GRIP2: variants seen among roughly 807,000 people sequenced by gnomAD.
The protein encoded by GRIP2 is glutamate receptor-interacting protein 2.
GRIP2 carries 58 observed loss-of-function variants against 108.3 expected under a neutral mutation model. That is an observed-to-expected ratio of 0.54 (90% CI 0.43 to 0.67). GRIP2 has a LOEUF of 0.67. Ranked by LOEUF, GRIP2 falls within the 30% of genes least tolerant of loss-of-function variation. The probability of loss-of-function intolerance (pLI) is 0.00; values close to 1 mark genes in which losing one functional copy is unlikely to be tolerated. For synonymous variants in GRIP2, 586 were observed against 598.2 expected, an observed-to-expected ratio of 0.98 and a Z score of 0.30; for missense variants, 1,278 against 1,430.6, an observed-to-expected ratio of 0.89 and a Z score of 1.72.
chr3:14,525,986 G>C, intron 1 of GRIP2, 55 bp from the exon 2 acceptor site: 1 of 1,462,596 alleles, frequency 6.8e-7, no homozygotes, highest in African/African-American at 1.4e-5. Flanking sequence ...CATTCCTGCA[G>C]ACCTCTTCTG....
At position 14,512,215 on chromosome 3, in the gene GRIP2, G is replaced by A. The variant is rs1040477896; in HGVS notation, c.1720+562C>T. 1.3e-5 allele frequency among the ~76,000 whole-genome samples: 2 copies of A among 152,140 alleles called. No homozygotes were observed. The highest frequency in any genetic ancestry group is 1.9e-4 in the East Asian group (1 of 5,180). ...GACTGCGGCTGGAGGGCTTGAGTTG[G>A]GGAGAGTCGGGAGATGAGGTCAGAG... is the stretch of plus-strand genomic sequence containing the variant. On this transcript the variant is annotated intron_variant, in intron 14 of 23. Coordinates refer to ENST00000621039, the MANE Select transcript of GRIP2 (RefSeq NM_001080423.4). The surrounding 1 kb of genome is among the most constrained non-coding windows in gnomAD (Gnocchi z 5.1).
chr3:14,527,947 CTT>C (rs1694608849), intron 1 of GRIP2, among the ~76,000 whole-genome samples: 1 of 152,234 alleles, frequency 6.6e-6, no homozygotes, highest in African/African-American at 2.4e-5. Context: ...AAAATTTACT[CTT>C]TGTGGTGAGC....
intron 9 of GRIP2, 94 bp downstream of exon 9, chr3:14,520,016 T>C: frequency 8.1e-7 from 1 of 1,232,970 alleles, no homozygotes; most frequent in Non-Finnish European, 1.1e-6. Context: ...CATTTTAGCC[T>C]GCTCCTCCCA....
chr3:14,542,268 C>T (rs1391651913), upstream of GRIP2, among the ~76,000 whole-genome samples: 5 of 152,170 alleles, frequency 3.3e-5, no homozygotes, highest in Admixed American at 3.3e-4. Context: ...ATCCTCCCAC[C>T]TCAGCCTCCC....
chr3:14,525,960 G>C, intron 1 of GRIP2, 29 bp from the exon 2 acceptor site: 1 of 1,541,520 alleles, frequency 6.5e-7, no homozygotes, highest in Non-Finnish European at 8.8e-7. Flanking sequence ...GAAAGGCCGA[G>C]TTCCACTTTC....
At chr3:14,538,656 G>A (rs555002497) in intron 1 of GRIP2, among the ~76,000 whole-genome samples, 1 of 152,222 alleles carries the variant, frequency 6.6e-6, no homozygotes, top group South Asian at 2.1e-4. Context: ...CTGGGGAGGA[G>A]ACCTAGGGTG....
At chr3:14,504,055 G>A (rs1029508020) in intron 20 of GRIP2, 15 of 258,536 alleles carry the variant, frequency 5.8e-5, no homozygotes, top group Admixed American at 4.1e-4. Flanking sequence ...ACACGGCACC[G>A]TGGGACAGTG....
At chr3:14,594,349 C>T in the GRIP2 span, among the ~76,000 whole-genome samples, 3 of 152,230 alleles carry the variant, frequency 2.0e-5, no homozygotes, top group Non-Finnish European at 4.4e-5. Context: ...GGATCAGATG[C>T]CCCAGGAGGA....
the GRIP2 span, among the ~76,000 whole-genome samples, chr3:14,596,241 G>A: frequency 7.7e-4 from 118 of 152,348 alleles, no homozygotes; most frequent in South Asian, 2.7e-3. Context: ...GGTAAGAAAG[G>A]TTACTGCAGC....
rs750604260 is a variant in GRIP2, at chr3:14,505,673, G to C, written c.2515C>G (p.Pro839Ala). 4.4e-6 allele frequency: 7 copies of C among 1,608,016 alleles called. No individual in the cohort carries two copies. The highest frequency in any genetic ancestry group is 1.1e-5 in the South Asian group (1 of 89,766). The change falls in exon 20 of 24, where the codon CCA becomes GCA. Residue 839 changes from proline (P) to alanine (A), a missense_variant. Physicochemically the swap from Pro to Ala is conservative, Grantham distance 27 (BLOSUM62 -1). Coordinates refer to ENST00000621039, the MANE Select transcript of GRIP2 (RefSeq NM_001080423.4). This position sits in a 1 kb window ranked among gnomAD's most constrained non-coding sequence, Gnocchi z 4.2. ...TCCTCTGGAAAGCTCTCGTCAGCTG[G>C]GGTTGGGGTATAGCTCGTCCTCCGG... is the stretch of plus-strand genomic sequence containing the variant. ...EPRRTSYTPT[P>A]ADESFPEEEE...
chr3:14,554,435 ACAG>A (rs1304719093), intron 1 of GRIP2, among the ~76,000 whole-genome samples: 1 of 140,962 alleles, frequency 7.1e-6, no homozygotes, highest in Non-Finnish European at 1.5e-5. Flanking sequence ...TGAACAGAGG[ACAG>A]CAGCCTCAAT....
chr3:14,527,497 A>G (rs181840920), intron 1 of GRIP2, among the ~76,000 whole-genome samples: 30 of 152,274 alleles, frequency 2.0e-4, no homozygotes, highest in Admixed American at 1.7e-3. Context: ...CTTGGCCCCA[A>G]CCAGGACCTG....
At chr3:14,534,909 C>T (rs994936409) in intron 1 of GRIP2, among the ~76,000 whole-genome samples, 1 of 152,184 alleles carries the variant, frequency 6.6e-6, no homozygotes, top group Non-Finnish European at 1.5e-5. Context: ...AGGGTCCTGC[C>T]TAAGCGGGTG....
At chr3:14,550,400 G>GAGA (rs557807133) in intron 1 of GRIP2, among the ~76,000 whole-genome samples, 2,490 of 152,328 alleles carry the variant, frequency 0.016, 84 homozygotes, top group African/African-American at 0.057. Context: ...CAGTCCCACT[G>GAGA]TGTCAACTCA....
the GRIP2 span, among the ~76,000 whole-genome samples, chr3:14,591,910 G>A: frequency 1.3e-5 from 2 of 152,230 alleles, no homozygotes; most frequent in Admixed American, 6.5e-5. Context: ...CAAGAGGAAG[G>A]GAAGCAGCAG....
At chr3:14,573,395 G>A in the GRIP2 span, 546 of 1,318,246 alleles carry the variant, frequency 4.1e-4, no homozygotes, top group Non-Finnish European at 4.9e-4. Flanking sequence ...TCATCTGGAA[G>A]CAGATGGACA....
chr3:14,511,266 T>C lies in GRIP2; in HGVS notation c.1832A>G (p.Asn611Ser). The change falls in exon 16 of 24, where the codon AAT becomes AGT. Residue 611 changes from asparagine to serine, a missense_variant. Physicochemically the swap from Asn to Ser is conservative, Grantham distance 46. Transcript: ENST00000621039. The surrounding 1 kb of genome is among the most constrained non-coding windows in gnomAD (Gnocchi z 4.1). ...CATGGGGCAGTTGTCCAGGCGGATA[T>C]TGTCAATGGCCAGTAGCTTGTCGCC... ...EPGDKLLAIDNIRLDNCPMED... is the reference protein window; with the variant it reads ...EPGDKLLAIDSIRLDNCPMED... The C allele has an allele frequency of 6.2e-7, 1 of 1,613,988 alleles. No homozygotes were observed.
upstream of GRIP2, among the ~76,000 whole-genome samples, chr3:14,558,037 G>A (rs1484503602): frequency 1.3e-5 from 2 of 152,214 alleles, no homozygotes; most frequent in Non-Finnish European, 2.9e-5. Flanking sequence ...CCCCTTGTGT[G>A]TGAATGGGGA....
At position 14,524,468 on chromosome 3, in the gene GRIP2, C is replaced by T. The variant is rs759832768; in HGVS notation, c.328G>A (p.Asp110Asn). ...NGIHLTRLRH[D>N]EIITLLKNVG... ...TTCTTGAGCAGGGTGATGATCTCAT[C>T]GTGGCGGAGCCTGGTCAGGTGGATC... Residue 110 changes from aspartate (D) to asparagine (N), a missense_variant, in exon 4 of 24, where the codon GAT becomes AAT. Physicochemically the swap from Asp to Asn is conservative, Grantham distance 23 (BLOSUM62 1). Transcript: ENST00000621039. The T allele has an allele frequency of 1.1e-5, 17 of 1,588,246 alleles. No homozygotes were observed. The highest frequency in any genetic ancestry group is 1.3e-5 in the African/African-American group (1 of 74,452).
Sources: gnomAD v4.1 joint callset for allele counts (sites outside exome capture counted in the v4.1 genomes callset) on GRCh38, gnomAD v4.1.1 for gene constraint, Gnocchi (gnomAD v3.1) non-coding constraint, MANE v1.5 for transcripts, NCBI Gene and HGNC (gene_info 2026-07-23, HGNC 2026-07-21) for gene names.